Variants in LRRK2 observed in about 807,000 individuals in gnomAD.
The protein encoded by LRRK2 is leucine-rich repeat serine/threonine-protein kinase 2.
In LRRK2, 203 loss-of-function variants were observed where a neutral mutation model predicts 302.6. The observed-to-expected ratio is 0.67, with a 90% CI of 0.60 to 0.75. The LOEUF (loss-of-function observed/expected upper bound fraction) is 0.75. Ranked by LOEUF, LRRK2 falls within the 30% of genes least tolerant of loss-of-function variation. The pLI, the probability that LRRK2 is intolerant of heterozygous loss-of-function variation, is 0.00. For synonymous variants in LRRK2, 1,066 were observed against 1,031.9 expected, an observed-to-expected ratio of 1.03 and a Z score of -0.63; for missense variants, 2,830 against 2,951.0, an observed-to-expected ratio of 0.96 and a Z score of 0.95.
intron 27 of LRRK2, 141 bp from the exon 28 acceptor site, chr12:40,305,644 G>A (rs1944790970): frequency 1.3e-6 from 1 of 766,086 alleles, no homozygotes; most frequent in African/African-American, 1.7e-5. Flanking sequence ...ACAAACCTTT[G>A]GAAAGTTTTA....
chr12:40,289,286 A>C (rs1944049939), intron 20 of LRRK2, among the ~76,000 whole-genome samples: 1 of 151,768 alleles, frequency 6.6e-6, no homozygotes, highest in Non-Finnish European at 1.5e-5. Context: ...TTATGCCAAT[A>C]CCACACTGTC....
rs200509191 is a variant in LRRK2, at chr12:40,369,193, A to G, written c.*1428A>G. 2.6e-5 allele frequency: 4 copies of G among 151,830 alleles called. No individual in the cohort carries two copies. In the South Asian group the frequency reaches 8.3e-4, roughly 31 times the overall value. 9.4% of individuals were successfully genotyped at this position (151,830 alleles called of 1,614,324 possible). ...TTCCAGTGTTATCTCTTTCATTGTT[A>G]CTTTGTATTTGCAATTTTTTTTACC... On this transcript the variant is annotated 3_prime_UTR_variant, in exon 51 of 51. Transcript: ENST00000298910.
intron 41 of LRRK2, among the ~76,000 whole-genome samples, chr12:40,345,178 A>G (rs1440287605): frequency 2.0e-5 from 3 of 152,240 alleles, no homozygotes; most frequent in African/African-American, 7.2e-5. Context: ...CATTGTAAAA[A>G]TTTTGGAAAT....
chr12:40,292,687 A>AT, intron 20 of LRRK2, among the ~76,000 whole-genome samples: 1 of 152,038 alleles, frequency 6.6e-6, no homozygotes, highest in East Asian at 1.9e-4. Flanking sequence ...TGGTATTTGG[A>AT]TATACAGATT....
intron 14 of LRRK2, among the ~76,000 whole-genome samples, chr12:40,267,520 C>G (rs17519762): frequency 6.6e-6 from 1 of 152,040 alleles, no homozygotes; most frequent in Non-Finnish European, 1.5e-5. Context: ...ATTAGAGAAG[C>G]CTAAGTGAGG....
chr12:40,258,344 T>G (rs1942612530), intron 12 of LRRK2, among the ~76,000 whole-genome samples: 1 of 152,164 alleles, frequency 6.6e-6, no homozygotes, highest in Non-Finnish European at 1.5e-5. Flanking sequence ...TGTTTATATA[T>G]CTTTCTAAGC....
At position 40,251,002 on chromosome 12, in the gene LRRK2, GT is replaced by G. The variant is rs575085073; in HGVS notation, c.959-216del. On this transcript the variant is annotated intron_variant, in intron 8 of 50. Coordinates refer to ENST00000298910, the MANE Select transcript of LRRK2 (RefSeq NM_198578.4). ...AAATAATCCTCCTCTCGTCTATTAGGTTTTTTTTTTTTTTGGTACCTTCTTC... is the reference window on the plus strand; with the variant it reads ...AAATAATCCTCCTCTCGTCTATTAGGTTTTTTTTTTTTTGGTACCTTCTTC... Among the ~76,000 whole-genome samples, 2,850 of 137,514 alleles carry G rather than the reference GT, an allele frequency of 0.021. 55 individuals carry two copies. The highest frequency in any genetic ancestry group is 0.12 in the South Asian group (522 of 4,426). 90.2% of individuals were successfully genotyped at this position (137,514 alleles called of 152,430 possible). A position where few individuals can be genotyped will look rare whatever the true frequency, so the allele number is the denominator to read the frequency against.
At chr12:40,348,353 A>T in intron 42 of LRRK2, 56 bp from the exon 43 acceptor site, 2 of 1,194,476 alleles carry the variant, frequency 1.7e-6, no homozygotes, top group East Asian at 4.7e-5. Flanking sequence ...ATTGAGAGGA[A>T]ATATAACCAT....
chr12:40,239,443 A>G (rs1293662599), intron 5 of LRRK2, among the ~76,000 whole-genome samples: 1 of 152,144 alleles, frequency 6.6e-6, no homozygotes, highest in Non-Finnish European at 1.5e-5. Context: ...GGTTAGGGGC[A>G]CATTCTTCTT....
rs201264752 is a variant in LRRK2, at chr12:40,363,412, G to A, written c.7039G>A (p.Ala2347Thr). 3 of 1,611,268 alleles carry A rather than the reference G, an allele frequency of 1.9e-6. No homozygotes were observed. In the South Asian group the frequency reaches 3.3e-5, roughly 18 times the overall value. Residue 2347 changes from alanine to threonine, a missense_variant, in exon 48 of 51, where the codon GCA becomes ACA. Ala to Thr is a moderately conservative substitution (Grantham distance 58). Around this residue, in one of 3 missense-constraint regions of LRRK2, gnomAD observed 456 missense variants for 456.3 expected, o/e 1.00. Transcript: ENST00000298910. ...TTTTTTTCTCTGTAGGTTTTCTTAT[G>A]CAGCTTTCAGTGATTCCAACATCAT... is the stretch of plus-strand genomic sequence containing the variant. ...ETRTSQLFSY[A>T]AFSDSNIITV...
chr12:40,301,210 C>T (rs1338461763), intron 25 of LRRK2: 1 of 418,228 alleles, frequency 2.4e-6, no homozygotes, highest in Admixed American at 2.8e-5. Flanking sequence ...TGAGCAGGAC[C>T]ACTAACCATT....
intron 33 of LRRK2, among the ~76,000 whole-genome samples, chr12:40,318,765 T>TAA (rs1333193683): frequency 1.3e-5 from 2 of 152,124 alleles, no homozygotes; most frequent in South Asian, 4.2e-4. Context: ...TCTTAGCACT[T>TAA]AAAAAACACT....
At chr12:40,342,842 C>T (rs552126894) in intron 41 of LRRK2, among the ~76,000 whole-genome samples, 10 of 152,188 alleles carry the variant, frequency 6.6e-5, no homozygotes, top group South Asian at 2.1e-4. Context: ...CTTACTGCAG[C>T]GTGTGCATTA....
chr12:40,317,336 A>G (rs956891115), intron 33 of LRRK2, among the ~76,000 whole-genome samples: 1 of 152,150 alleles, frequency 6.6e-6, no homozygotes, highest in African/African-American at 2.4e-5. Flanking sequence ...ATGTCATTTT[A>G]TCACTAAGGT....
Position 40,299,906 on chromosome 12 carries a change from G to A in LRRK2, c.3496+649G>A, listed in dbSNP as rs150397162. Among the ~76,000 whole-genome samples the A allele has an allele frequency of 2.9e-4, 44 of 152,222 alleles. No individual in the cohort carries two copies. In the East Asian group the frequency reaches 8.3e-3, roughly 29 times the overall value. On this transcript the variant is annotated intron_variant, in intron 25 of 50. Coordinates refer to ENST00000298910, the MANE Select transcript of LRRK2 (RefSeq NM_198578.4). ...TGCTCAATTTTCCTGTGTATCTAAA[G>A]CTGCCCTAAAAATAGTCTATAATTT...
chr12:40,338,663 A>C (rs1945946667), intron 40 of LRRK2, among the ~76,000 whole-genome samples: 1 of 152,186 alleles, frequency 6.6e-6, no homozygotes, highest in Non-Finnish European at 1.5e-5. Flanking sequence ...TAACTAACCA[A>C]GATATTATCT....
intron 16 of LRRK2, among the ~76,000 whole-genome samples, chr12:40,276,651 C>T (rs80244900): frequency 0.012 from 1,780 of 152,252 alleles, 41 homozygotes; most frequent in African/African-American, 0.041. Flanking sequence ...TGCACATTTG[C>T]ATGGCCTGCT....
intron 14 of LRRK2, among the ~76,000 whole-genome samples, chr12:40,271,849 C>A (rs974967558): frequency 6.6e-6 from 1 of 152,028 alleles, no homozygotes; most frequent in African/African-American, 2.4e-5. Context: ...CAGAGATTAC[C>A]TGCTGCAAGT....
chr12:40,347,163 T>C (rs756613748), intron 42 of LRRK2, among the ~76,000 whole-genome samples: 4 of 152,206 alleles, frequency 2.6e-5, no homozygotes, highest in Admixed American at 6.5e-5. Flanking sequence ...TTTAGAAACA[T>C]AGAGAAGGAA....
Sources: allele counts gnomAD v4.1 joint callset (sites outside exome capture counted in the v4.1 genomes callset), GRCh38; gene constraint gnomAD v4.1.1; regional missense constraint gnomAD v4.1.1; transcripts MANE v1.5; gene names NCBI Gene and HGNC (gene_info 2026-07-23, HGNC 2026-07-21).